CDH4: variants seen among roughly 807,000 people sequenced by gnomAD.
The protein encoded by CDH4 is cadherin-4.
In CDH4, 33 loss-of-function variants were observed where a neutral mutation model predicts 86.0. That is an observed-to-expected ratio of 0.38 (90% CI 0.29 to 0.51). CDH4 has a LOEUF of 0.51. Ranked by LOEUF, CDH4 falls within the 20% of genes least tolerant of loss-of-function variation. The pLI, the probability that CDH4 is intolerant of heterozygous loss-of-function variation, is 0.86. For synonymous variants in CDH4, 555 were observed against 549.4 expected, an observed-to-expected ratio of 1.01 and a Z score of -0.14; for missense variants, 1,114 against 1,307.4, an observed-to-expected ratio of 0.85 and a Z score of 2.28.
At position 61,518,437 on chromosome 20, in the gene CDH4, C is replaced by T. The variant is rs1269976477; in HGVS notation, c.170-225126C>T. On this transcript the variant is annotated intron_variant, in intron 2 of 15. Transcript: ENST00000614565. This position sits in a 1 kb window ranked among gnomAD's most constrained non-coding sequence, Gnocchi z 6.3. The stretch of plus-strand genomic sequence containing the variant: ...GTCCATCATCCATCTGTCATCCACT[C>T]ATCATCCATCATCCGTCATCCACCC... 6.6e-6 allele frequency among the ~76,000 whole-genome samples: 1 copy of T among 152,264 alleles called. No individual in the cohort carries two copies. The highest frequency in any genetic ancestry group is 1.9e-4 in the East Asian group (1 of 5,190).
chr20:61,259,223 C>T (rs2084116662), intron 2 of CDH4, among the ~76,000 whole-genome samples: 1 of 152,218 alleles, frequency 6.6e-6, no homozygotes, highest in South Asian at 2.1e-4. Context: ...GAAGAGAGAT[C>T]AGATGCAGTG....
intron 2 of CDH4, among the ~76,000 whole-genome samples, chr20:61,453,046 A>T (rs1347671055): frequency 1.3e-5 from 2 of 152,230 alleles, no homozygotes; most frequent in African/African-American, 4.8e-5. Flanking sequence ...TCTATTAAGA[A>T]GCAAATAAAG....
intron 2 of CDH4, among the ~76,000 whole-genome samples, chr20:61,283,911 G>T (rs2084278865): frequency 6.6e-6 from 1 of 152,198 alleles, no homozygotes; most frequent in African/African-American, 2.4e-5. Context: ...GTTCTGTCAT[G>T]TGGGCATTCC....
At chr20:61,652,938 A>ATTTTTTTTTTTTTTTTTT (rs763918382) in intron 2 of CDH4, among the ~76,000 whole-genome samples, 64 of 97,314 alleles carry the variant, frequency 6.6e-4, no homozygotes, top group African/African-American at 1.2e-3. Flanking sequence ...TTATTTATTT[A>ATTTTTTTTTTTTTTTTTT]TTTTTTTTTT....
intron 2 of CDH4, among the ~76,000 whole-genome samples, chr20:61,601,920 G>C (rs759872468): frequency 1.4e-4 from 21 of 152,204 alleles, no homozygotes; most frequent in Non-Finnish European, 2.8e-4. Context: ...ATAAATATGA[G>C]AGACAGGAGC....
intron 2 of CDH4, among the ~76,000 whole-genome samples, chr20:61,374,685 C>T (rs965793517): frequency 2.6e-5 from 4 of 152,168 alleles, no homozygotes; most frequent in African/African-American, 9.7e-5. Flanking sequence ...CGGTTTGGGC[C>T]TTGAGTGGAG....
chr20:61,481,691 T>G (rs1049857783), intron 2 of CDH4, among the ~76,000 whole-genome samples: 15 of 152,214 alleles, frequency 9.9e-5, no homozygotes, highest in Admixed American at 6.5e-5. Flanking sequence ...AAATGCTGGC[T>G]GCAAGCACAC....
Position 61,392,281 on chromosome 20 carries a change from C to T in CDH4, c.169+137344C>T, listed in dbSNP as rs1186304371. ...GACAGGAACCCGAGGCAGATCCTTC[C>T]ACCAAACGAGTGTTTTGCTGTCAGG... On this transcript the variant is annotated intron_variant, in intron 2 of 15. Transcript: ENST00000614565. This position sits in a 1 kb window ranked among gnomAD's most constrained non-coding sequence, Gnocchi z 5.7. Among the ~76,000 whole-genome samples the T allele has an allele frequency of 6.6e-6, 1 of 151,994 alleles. No homozygotes were observed. Among genetic ancestry groups the T allele is most frequent in the Non-Finnish European group, 1.5e-5 (1 of 68,024 alleles).
intron 2 of CDH4, among the ~76,000 whole-genome samples, chr20:61,566,110 C>T (rs2086295863): frequency 6.6e-6 from 1 of 152,200 alleles, no homozygotes; most frequent in African/African-American, 2.4e-5. Context: ...CCTGCTGGGG[C>T]ATCACTGGGC....
chr20:61,329,445 C>CT (rs796439025), intron 2 of CDH4, among the ~76,000 whole-genome samples: 2,577 of 33,804 alleles, frequency 0.076, 105 homozygotes, highest in South Asian at 0.09. Flanking sequence ...TCATGGTCCC[C>CT]CGTGGGTCTG....
At chr20:61,674,068 TG>T (rs2087419463) in intron 2 of CDH4, among the ~76,000 whole-genome samples, 2 of 152,272 alleles carry the variant, frequency 1.3e-5, no homozygotes, top group Middle Eastern at 3.4e-3. Context: ...TGCCTGGTTT[TG>T]GGGGTGTGCA....
chr20:61,563,264 C>T (rs973314192), intron 2 of CDH4, among the ~76,000 whole-genome samples: 1 of 152,250 alleles, frequency 6.6e-6, no homozygotes, highest in East Asian at 1.9e-4. Flanking sequence ...GTGAAAGTAG[C>T]CGTTTTCACA....
Position 61,663,402 on chromosome 20 carries a change from C to T in CDH4, c.170-80161C>T, listed in dbSNP as rs890233798. On this transcript the variant is annotated intron_variant, in intron 2 of 15. Coordinates refer to ENST00000614565, the MANE Select transcript of CDH4 (RefSeq NM_001794.5). This position sits in a 1 kb window ranked among gnomAD's most constrained non-coding sequence, Gnocchi z 5.0. ...GGCCTCTCTGAGGAGGCAGTGTTTG[C>T]GCTGAAACCTAGAAAAAGAGCTGCG... 6.6e-6 allele frequency among the ~76,000 whole-genome samples: 1 copy of T among 152,190 alleles called. No individual in the cohort carries two copies. The highest frequency in any genetic ancestry group is 1.5e-5 in the Non-Finnish European group (1 of 68,028).
At chr20:61,383,431 T>TGAAGA (rs2084922634) in intron 2 of CDH4, among the ~76,000 whole-genome samples, 1 of 76,240 alleles carries the variant, frequency 1.3e-5, no homozygotes, top group Non-Finnish European at 2.5e-5. Flanking sequence ...ATGATATATA[T>TGAAGA]CATATATGAA....
chr20:61,483,515 C>T (rs2085579181), intron 2 of CDH4, among the ~76,000 whole-genome samples: 2 of 152,150 alleles, frequency 1.3e-5, no homozygotes, highest in Admixed American at 6.5e-5. Context: ...CAGGGATGGG[C>T]TTGGCCATGG....
chr20:61,725,105 C>G (rs575042001), intron 2 of CDH4, among the ~76,000 whole-genome samples: 1 of 152,262 alleles, frequency 6.6e-6, no homozygotes, highest in East Asian at 1.9e-4. Flanking sequence ...GAGTGAGACC[C>G]TGTCTCTAAA....
At chr20:61,610,063 G>A (rs910181051) in intron 2 of CDH4, among the ~76,000 whole-genome samples, 4 of 152,116 alleles carry the variant, frequency 2.6e-5, no homozygotes, top group African/African-American at 4.8e-5. Flanking sequence ...TAACCCTACT[G>A]TACTATCAAA....
At chr20:61,519,921 C>T (rs2085856610) in intron 2 of CDH4, among the ~76,000 whole-genome samples, 2 of 152,132 alleles carry the variant, frequency 1.3e-5, no homozygotes, top group Non-Finnish European at 1.5e-5. Context: ...TAGTGGTGCC[C>T]GCCGACTCTG....
chr20:61,422,830 T>A (rs2085187601), intron 2 of CDH4, among the ~76,000 whole-genome samples: 1 of 152,140 alleles, frequency 6.6e-6, no homozygotes, highest in Non-Finnish European at 1.5e-5. Context: ...ATCACCTGAT[T>A]CCCCTTCCTG....
Sources: gnomAD v4.1 joint callset for allele counts (sites outside exome capture counted in the v4.1 genomes callset) on GRCh38, gnomAD v4.1.1 for gene constraint, Gnocchi (gnomAD v3.1) non-coding constraint, MANE v1.5 for transcripts, NCBI Gene and HGNC (gene_info 2026-07-23, HGNC 2026-07-21) for gene names.